SDR42E2: variants seen among roughly 807,000 people sequenced by gnomAD.
SDR42E2 encodes putative short-chain dehydrogenase/reductase family 42E member 2.
A neutral mutation model predicts 10.5 loss-of-function variants in SDR42E2; 20 were observed. That is an observed-to-expected ratio of 1.90 (90% CI 1.34 to 2.77). The LOEUF is 2.77. SDR42E2 is among the 30% of genes most tolerant of loss of function. SDR42E2 has a pLI of 0.00. For missense variants in SDR42E2, 162 were observed against 104.2 expected, an observed-to-expected ratio of 1.55 and a Z score of -2.42; for synonymous variants, 72 against 39.2, an observed-to-expected ratio of 1.84 and a Z score of -3.12.
At chr16:22,172,366 A>T in intron 7 of SDR42E2, 35 bp downstream of exon 7, 3 of 703,424 alleles carry the variant, frequency 4.3e-6, no homozygotes. Flanking sequence ...TACCAAATGC[A>T]CCTGCCCACT....
chr16:22,173,903 G>GTATATATATA (rs146432754), intron 7 of SDR42E2, among the ~76,000 whole-genome samples: 4,982 of 111,980 alleles, frequency 0.044, 265 homozygotes, highest in East Asian at 0.27. Context: ...ATATGTGTGT[G>GTATATATATA]TGTATATATA....
chr16:22,178,171 A>G lies in SDR42E2; in HGVS notation c.631A>G (p.Ile211Val). ...GACGTGTGTGCTCCGGCCTCCAGGG[A>G]TCTACGGCCCTGAAGAGCAGAGGCA... The part of the protein sequence containing the change: ...LRTCVLRPPG[I>V]YGPEEQRHLP... Residue 211 changes from isoleucine (I) to valine (V), a missense_variant, in exon 8 of 13, where the codon ATC becomes GTC. Physicochemically the swap from Ile to Val is conservative, Grantham distance 29 (BLOSUM62 3). Transcript: ENST00000602312. The G allele has an allele frequency of 1.4e-6, 1 of 702,764 alleles. No homozygotes were observed. The highest frequency in any genetic ancestry group is 2.6e-6 in the Non-Finnish European group (1 of 384,926). 43.5% of individuals were successfully genotyped at this position (702,764 alleles called of 1,614,324 possible). A position where few individuals can be genotyped will look rare whatever the true frequency, so the allele number is the denominator to read the frequency against.
chr16:22,189,955 G>C (rs1013668155), intron 12 of SDR42E2, among the ~76,000 whole-genome samples, 184 bp from the exon 13 acceptor site: 4 of 152,210 alleles, frequency 2.6e-5, no homozygotes, highest in Non-Finnish European at 4.4e-5. Context: ...AACATGTAAG[G>C]AAGAAAGGAA....
chr16:22,181,385 G>C (rs1394975687), intron 8 of SDR42E2, 134 bp from the exon 9 acceptor site: 1 of 627,404 alleles, frequency 1.6e-6, no homozygotes, highest in African/African-American at 1.8e-5. Flanking sequence ...CTGATATTCA[G>C]AGAGCATTGG....
At chr16:22,188,138 G>A (rs957181186) in intron 12 of SDR42E2, among the ~76,000 whole-genome samples, 2 of 151,200 alleles carry the variant, frequency 1.3e-5, no homozygotes, top group Non-Finnish European at 2.9e-5. Flanking sequence ...TCGTTTTATT[G>A]TCTCTGATGC....
At chr16:22,166,560 C>G (rs1260949129) in intron 3 of SDR42E2, 126 bp downstream of exon 3, 3 of 402,550 alleles carry the variant, frequency 7.5e-6, no homozygotes, top group Non-Finnish European at 1.3e-5. Flanking sequence ...TGAGCTATAG[C>G]TCTGGCTCTG....
rs1333594419 is a variant in SDR42E2 at position 22,190,325 on chromosome 16, G to A, written c.1201G>A (p.Gly401Ser). ...GCTGCTCAGGCTGCTGCTGTTCCTC[G>A]GCTTGCTCGCCCTGGCCCTGCACTT... Reference protein sequence around the residue: ...RLLLRLLLFLGLLALALHFLG... With the variant: ...RLLLRLLLFLSLLALALHFLG... The change falls in exon 13 of 13, where the codon GGC becomes AGC. Residue 401 changes from glycine to serine, a missense_variant. Coordinates refer to ENST00000602312, the MANE Select transcript of SDR42E2 (RefSeq NM_001394319.2). 1.7e-5 allele frequency: 7 copies of A among 402,226 alleles called. No individual in the cohort carries two copies. Among genetic ancestry groups the A allele is most frequent in the Admixed American group, 8.8e-5 (2 of 22,724 alleles). 24.9% of individuals were successfully genotyped at this position (402,226 alleles called of 1,614,324 possible). A position where few individuals can be genotyped will look rare whatever the true frequency, so the allele number is the denominator to read the frequency against.
chr16:22,179,638 C>G (rs2046675617), intron 8 of SDR42E2, among the ~76,000 whole-genome samples: 1 of 151,908 alleles, frequency 6.6e-6, no homozygotes, highest in Non-Finnish European at 1.5e-5. Flanking sequence ...ATGGTGAAAC[C>G]CTGTCTCTAC....
intron 7 of SDR42E2, among the ~76,000 whole-genome samples, chr16:22,177,327 TAGA>T (rs1445017141): frequency 6.6e-6 from 1 of 151,984 alleles, no homozygotes; most frequent in Non-Finnish European, 1.5e-5. Context: ...AACTGCTGAT[TAGA>T]AAAAGGGAGA....
rs535455109 is a variant in SDR42E2, at chr16:22,168,583, T to C, written c.337-862T>C. 5.3e-5 allele frequency among the ~76,000 whole-genome samples: 8 copies of C among 151,866 alleles called. No homozygotes were observed. The East Asian group carries it at 1.6e-3, about 30-fold the overall frequency. On this transcript the variant is annotated intron_variant, in intron 4 of 12. Transcript: ENST00000602312. Reference sequence around the variant, plus strand: ...ACCTGGCCAAAAATTTTTAAAAGAATAAATATAGGCTGGAAGCAGTGGCTC... The same window carrying C: ...ACCTGGCCAAAAATTTTTAAAAGAACAAATATAGGCTGGAAGCAGTGGCTC...
At chr16:22,185,042 A>C (rs1354988525) in intron 11 of SDR42E2, among the ~76,000 whole-genome samples, 3 of 152,032 alleles carry the variant, frequency 2.0e-5, no homozygotes, top group Non-Finnish European at 4.4e-5. Context: ...TTTAGGACAA[A>C]CGGAGGCTCC....
Position 22,184,249 on chromosome 16 carries a change from G to A in SDR42E2, c.940+5G>A. 1 of 401,342 alleles carries A rather than the reference G, an allele frequency of 2.5e-6. No homozygotes were observed. The highest frequency in any genetic ancestry group is 1.3e-4 in the South Asian group (1 of 7,950). 24.9% of individuals were successfully genotyped at this position (401,342 alleles called of 1,614,324 possible). A position where few individuals can be genotyped will look rare whatever the true frequency, so the allele number is the denominator to read the frequency against. ...CTTCCTGGGTTTACCTGACAGGTAAGGAAAGGAGTGTGCGTAGTAAAGCCC... is the reference window on the plus strand; with the variant it reads ...CTTCCTGGGTTTACCTGACAGGTAAAGAAAGGAGTGTGCGTAGTAAAGCCC... On this transcript the variant is annotated splice_donor_5th_base_variant and intron_variant, in intron 11 of 12. Transcript: ENST00000602312.
At chr16:22,171,032 G>A in intron 6 of SDR42E2, 81 bp downstream of exon 6, 1 of 695,896 alleles carries the variant, frequency 1.4e-6, no homozygotes, top group Non-Finnish European at 2.6e-6. Context: ...GTGGAAGCAG[G>A]GTTGGTTTCA....
At position 22,190,352 on chromosome 16, in the gene SDR42E2, C is replaced by G; in HGVS notation, c.1228C>G (p.Leu410Val). 2.5e-6 allele frequency: 1 copy of G among 402,614 alleles called. No individual in the cohort carries two copies. Among genetic ancestry groups the G allele is most frequent in the Admixed American group, 4.4e-5 (1 of 22,746 alleles). The allele number at this position is 402,614 out of a possible 1,614,324, so 24.9% of individuals were successfully genotyped here. ...CTTGCTCGCCCTGGCCCTGCACTTCCTAGGCCTGCAGCCTCTGCACGCCGC... is the reference window on the plus strand; with the variant it reads ...CTTGCTCGCCCTGGCCCTGCACTTCGTAGGCCTGCAGCCTCTGCACGCCGC... ...LGLLALALHF[L>V]GLQPLHAAVE... Residue 410 changes from leucine to valine, a missense_variant, in exon 13 of 13, where the codon CTA becomes GTA. Transcript: ENST00000602312.
intron 9 of SDR42E2, 97 bp from the exon 10 acceptor site, chr16:22,182,115 G>A: frequency 2.4e-6 from 1 of 408,670 alleles, no homozygotes; most frequent in Middle Eastern, 3.2e-4. Flanking sequence ...CTGCTCCAGA[G>A]AACTCAGGGT....
rs866771307 is a variant in SDR42E2, at chr16:22,165,602, G to A, written c.20G>A (p.Arg7His). 10 of 401,246 alleles carry A rather than the reference G, an allele frequency of 2.5e-5. No homozygotes were observed. The highest frequency in any genetic ancestry group is 3.1e-4 in the Middle Eastern group (1 of 3,246). The allele number at this position is 401,246 out of a possible 1,614,324, so 24.9% of individuals were successfully genotyped here. A position where few individuals can be genotyped will look rare whatever the true frequency, so the allele number is the denominator to read the frequency against. MKSNPP[R>H]SSLEACKAAG... ...TAGAGGATGAAGTCCAACCCCCCAC[G>A]CTCCTCCCTAGAGGCCTGCAAAGCT... is the stretch of plus-strand genomic sequence containing the variant. The change falls in exon 2 of 13, where the codon CGC (arginine) becomes CAC (histidine). Residue 7 changes from arginine (R) to histidine (H), a missense_variant. Coordinates refer to ENST00000602312, the MANE Select transcript of SDR42E2 (RefSeq NM_001394319.2).
chr16:22,188,720 G>A (rs2046751666), intron 12 of SDR42E2, among the ~76,000 whole-genome samples: 1 of 152,144 alleles, frequency 6.6e-6, no homozygotes, highest in South Asian at 2.1e-4. Context: ...CAGCTCAGGG[G>A]CAATGTCCTT....
At position 22,165,062 on chromosome 16, in the gene SDR42E2, G is replaced by C. The variant is rs112836426; in HGVS notation, c.-36-485G>C. 7.2e-3 allele frequency among the ~76,000 whole-genome samples: 1,089 copies of C among 152,244 alleles called. 7 individuals are homozygous for C. The highest frequency in any genetic ancestry group is 0.011 in the Non-Finnish European group (732 of 68,020). On this transcript the variant is annotated intron_variant, in intron 1 of 12. Coordinates refer to ENST00000602312, the MANE Select transcript of SDR42E2 (RefSeq NM_001394319.2). ...CTCTGACTCTGTGCAGAGGACAGCA[G>C]CCACACTGGAGTTTTTTGTTTGTTT...
At chr16:22,181,432 C>G (rs1201244635) in intron 8 of SDR42E2, 87 bp from the exon 9 acceptor site, 3 of 693,416 alleles carry the variant, frequency 4.3e-6, no homozygotes, top group Non-Finnish European at 7.9e-6. Flanking sequence ...TGACCTGGAG[C>G]TAGAACCTGG....
Sources: allele counts gnomAD v4.1 joint callset (sites outside exome capture counted in the v4.1 genomes callset), GRCh38; gene constraint gnomAD v4.1.1; transcripts MANE v1.5; gene names NCBI Gene and HGNC (gene_info 2026-07-23, HGNC 2026-07-21).